The following SDK1 variants were observed in gnomAD, a reference collection of about 807,000 sequenced individuals.
SDK1 encodes the protein protein sidekick-1.
A neutral mutation model predicts 245.5 loss-of-function variants in SDK1; 157 were observed. The ratio of observed to expected loss-of-function variants is 0.64; its 90% CI spans 0.56 to 0.73. SDK1 has a LOEUF of 0.73. Among genes scored for constraint, SDK1 ranks in the 30% least tolerant of loss-of-function variants. SDK1 has a pLI of 0.00. For missense variants in SDK1, 3,583 were observed against 3,002.3 expected (o/e 1.19, Z -4.52); for synonymous variants, 1,647 against 1,278.5 (o/e 1.29, Z -6.15).
chr7:4,198,146 A>G (rs377580975), intron 35 of SDK1, among the ~76,000 whole-genome samples: 2 of 152,142 alleles, frequency 1.3e-5, no homozygotes, highest in Non-Finnish European at 2.9e-5. Context: ...AGGGCCTCTC[A>G]TGTCACGTCA....
At chr7:3,303,096 A>G (rs755625803) in intron 1 of SDK1, among the ~76,000 whole-genome samples, 1 of 152,062 alleles carries the variant, frequency 6.6e-6, no homozygotes, top group Non-Finnish European at 1.5e-5. Flanking sequence ...GCTCCCTCTT[A>G]TGTTTTACTA....
rs541986136 is a variant in SDK1, at chr7:3,611,766, C to G, written c.299-7314C>G. On this transcript the variant is annotated intron_variant, in intron 1 of 44. Coordinates refer to ENST00000404826, the MANE Select transcript of SDK1 (RefSeq NM_152744.4). ...TTGATCAGGAAAATGCAAATCGAAA[C>G]CACAATGCTATGCCTCCTTACTCCG... 2.0e-5 allele frequency among the ~76,000 whole-genome samples: 3 copies of G among 151,972 alleles called. No homozygotes were observed. In the South Asian group the frequency reaches 6.3e-4, roughly 32 times the overall value.
In SDK1 at chr7:4,172,475, C is replaced by T. The variant is rs139996099; in HGVS notation, c.4801-1747C>T. Reference sequence around the variant, plus strand: ...CTTCCTCCACGTTTGGGTTTTGCCTCGTGAGTAGCAAGAGTCCAAAGAAAA... The same window carrying T: ...CTTCCTCCACGTTTGGGTTTTGCCTTGTGAGTAGCAAGAGTCCAAAGAAAA... On this transcript the variant is annotated intron_variant, in intron 32 of 44. Coordinates refer to ENST00000404826, the MANE Select transcript of SDK1 (RefSeq NM_152744.4). Among the ~76,000 whole-genome samples, 366 of 152,284 alleles carry T rather than the reference C, an allele frequency of 2.4e-3. 13 individuals carry two copies. In the South Asian group the frequency reaches 0.063, roughly 26 times the overall value.
chr7:3,723,939 T>G lies in SDK1; in HGVS notation c.713+81834T>G, dbSNP rs1417020624. The stretch of plus-strand genomic sequence containing the variant: ...ATATATACACGTATATATATATATA[T>G]ATATAGAGAGAGAGAGAGAGAGAGA... On this transcript the variant is annotated intron_variant, in intron 4 of 44. Transcript: ENST00000404826. Among the ~76,000 whole-genome samples, 95 of 116,720 alleles carry G rather than the reference T, an allele frequency of 8.1e-4. 4 individuals carry two copies. Among genetic ancestry groups the G allele is most frequent in the South Asian group, 2.9e-3 (10 of 3,458 alleles). The allele number at this position is 116,720 out of a possible 152,430, so 76.6% of individuals were successfully genotyped here. A position where few individuals can be genotyped will look rare whatever the true frequency, so the allele number is the denominator to read the frequency against.
At chr7:3,792,572 C>T (rs748932530) in intron 4 of SDK1, among the ~76,000 whole-genome samples, 19 of 152,106 alleles carry the variant, frequency 1.2e-4, no homozygotes, top group Non-Finnish European at 2.2e-4. Flanking sequence ...TAACCCACTG[C>T]CATCAGGTGC....
At chr7:3,745,109 A>G (rs1562412334) in intron 4 of SDK1, among the ~76,000 whole-genome samples, 2 of 152,194 alleles carry the variant, frequency 1.3e-5, no homozygotes, top group Admixed American at 1.3e-4. Context: ...TGCTGAATTT[A>G]ATCTTTGGAA....
intron 1 of SDK1, among the ~76,000 whole-genome samples, chr7:3,442,874 C>T (rs1353551129): frequency 6.6e-6 from 1 of 152,142 alleles, no homozygotes; most frequent in African/African-American, 2.4e-5. Flanking sequence ...TGTTCTGTCT[C>T]TTCCATTCCC....
intron 5 of SDK1, among the ~76,000 whole-genome samples, chr7:3,842,254 C>G (rs1328793800): frequency 6.6e-6 from 1 of 152,224 alleles, no homozygotes; most frequent in Non-Finnish European, 1.5e-5. Context: ...GTTATCCTTC[C>G]TCTCCCCAGA....
intron 4 of SDK1, among the ~76,000 whole-genome samples, chr7:3,664,263 C>T (rs117186154): frequency 6.6e-6 from 1 of 152,166 alleles, no homozygotes; most frequent in East Asian, 1.9e-4. Context: ...GGGTCTTGAC[C>T]ATGGCAAATG....
intron 1 of SDK1, among the ~76,000 whole-genome samples, chr7:3,525,158 C>T (rs940881033): frequency 5.1e-4 from 78 of 151,862 alleles, no homozygotes; most frequent in Non-Finnish European, 4.7e-4. Context: ...ATGCCATTTC[C>T]TATCTGGGAC....
chr7:3,477,305 C>T lies in SDK1; in HGVS notation c.299-141775C>T, dbSNP rs149536659. Among the ~76,000 whole-genome samples, 425 of 142,428 alleles carry T rather than the reference C, an allele frequency of 3.0e-3. 2 individuals are homozygous for T. The East Asian group carries it at 0.04, about 13-fold the overall frequency. 93.4% of individuals were successfully genotyped at this position (142,428 alleles called of 152,430 possible). A position where few individuals can be genotyped will look rare whatever the true frequency, so the allele number is the denominator to read the frequency against. ...CCATCTCCTGGCTTCAAGCCATTCT[C>T]CTGCCTCAGCCTCCTGAGTAGCTGG... On this transcript the variant is annotated intron_variant, in intron 1 of 44. Transcript: ENST00000404826.
chr7:4,230,974 A>C (rs991238696), intron 40 of SDK1, among the ~76,000 whole-genome samples: 2 of 152,014 alleles, frequency 1.3e-5, no homozygotes, highest in Admixed American at 6.6e-5. Flanking sequence ...CAAAGAGTAG[A>C]CCGCATTTGT....
At chr7:3,371,496 G>C (rs956617260) in intron 1 of SDK1, among the ~76,000 whole-genome samples, 2 of 151,984 alleles carry the variant, frequency 1.3e-5, no homozygotes, top group Non-Finnish European at 2.9e-5. Context: ...GAAACCAGGG[G>C]GCCCTAAGGG....
Position 3,381,424 on chromosome 7 carries a change from G to A in SDK1, c.298+79540G>A, listed in dbSNP as rs909611496. ...TGACTGTGGGCTGCATGGTGAAGGGGGGCAAAGCAGTGACAGCGGGAGTGA... is the reference window on the plus strand; with the variant it reads ...TGACTGTGGGCTGCATGGTGAAGGGAGGCAAAGCAGTGACAGCGGGAGTGA... On this transcript the variant is annotated intron_variant, in intron 1 of 44. Coordinates refer to ENST00000404826, the MANE Select transcript of SDK1 (RefSeq NM_152744.4). Among the ~76,000 whole-genome samples, 5 of 152,188 alleles carry A rather than the reference G, an allele frequency of 3.3e-5. No homozygotes were observed. In the South Asian group the frequency reaches 1.0e-3, roughly 32 times the overall value.
In SDK1 at chr7:4,026,127, T is replaced by C. The variant is rs1787327520; in HGVS notation, c.2602+8775T>C. Among the ~76,000 whole-genome samples the C allele has an allele frequency of 6.6e-6, 1 of 152,220 alleles. No individual in the cohort carries two copies. The highest frequency in any genetic ancestry group is 1.5e-5 in the Non-Finnish European group (1 of 68,048). On this transcript the variant is annotated intron_variant, in intron 17 of 44. Transcript: ENST00000404826. The surrounding 1 kb of genome is among the most constrained non-coding windows in gnomAD (Gnocchi z 4.1). ...CGCTGGTCTTCCACAGTCCCCATGC[T>C]GTATGGAAAAGGCCCCTTGCCCCAC...
chr7:3,889,988 G>A (rs932191120), intron 5 of SDK1, among the ~76,000 whole-genome samples: 18 of 152,062 alleles, frequency 1.2e-4, no homozygotes, highest in African/African-American at 2.9e-4. Context: ...TCTATCATTT[G>A]CAACCAAGAA....
At chr7:3,915,957 C>A (rs1188744541) in intron 5 of SDK1, among the ~76,000 whole-genome samples, 3 of 152,150 alleles carry the variant, frequency 2.0e-5, no homozygotes, top group Non-Finnish European at 4.4e-5. Context: ...AAAAGTCTAT[C>A]CTTTTACTTC....
intron 1 of SDK1, among the ~76,000 whole-genome samples, chr7:3,417,207 C>G (rs1399330073): frequency 2.6e-5 from 4 of 152,110 alleles, no homozygotes; most frequent in Non-Finnish European, 4.4e-5. Flanking sequence ...CTAGCGAGCC[C>G]TACAGCTGCA....
At chr7:3,655,049 CTT>C (rs10663969) in intron 4 of SDK1, among the ~76,000 whole-genome samples, 1 of 144,284 alleles carries the variant, frequency 6.9e-6, no homozygotes. Context: ...TCATAGCTTG[CTT>C]TTTTTTTTTT....
Sources: allele counts gnomAD v4.1 joint callset (sites outside exome capture counted in the v4.1 genomes callset), GRCh38; gene constraint gnomAD v4.1.1; non-coding constraint Gnocchi (gnomAD v3.1); transcripts MANE v1.5; gene names NCBI Gene and HGNC (gene_info 2026-07-23, HGNC 2026-07-21).